Variants in DIAPH2 observed in about 807,000 individuals in gnomAD.
The protein encoded by DIAPH2 is diaphanous related formin 2.
DIAPH2 carries 35 observed loss-of-function variants against 92.7 expected under a neutral mutation model. The ratio of observed to expected loss-of-function variants is 0.38; its 90% confidence interval spans 0.29 to 0.50. The LOEUF (loss-of-function observed/expected upper bound fraction) is 0.50. Ranked by LOEUF, DIAPH2 falls within the 20% of genes least tolerant of loss-of-function variation. The pLI is 0.94. For synonymous variants in DIAPH2, 301 were observed against 280.4 expected (o/e 1.07, Z -0.73); for missense variants, 701 against 819.5 (o/e 0.86, Z 1.77).
At chrX:97,051,675 C>G (rs1002360638) in intron 17 of DIAPH2, among the ~76,000 whole-genome samples, 4 of 110,684 alleles carry the variant, frequency 3.6e-5, no homozygotes, top group East Asian at 2.8e-4. Flanking sequence ...GATAGTTTAC[C>G]TATAAGAAGG....
At chrX:97,416,104 G>T (rs896638349) in intron 25 of DIAPH2, among the ~76,000 whole-genome samples, 1 of 112,245 alleles carries the variant, frequency 8.9e-6, no homozygotes, top group African/African-American at 3.2e-5. Context: ...AGTCAGACTG[G>T]CTATTTCCTG....
intron 22 of DIAPH2, among the ~76,000 whole-genome samples, chrX:97,172,409 T>C (rs1409801489): frequency 8.9e-6 from 1 of 111,778 alleles, no homozygotes; most frequent in East Asian, 2.8e-4. Flanking sequence ...TGATGTTGCT[T>C]GGGATCAGAA....
chrX:96,910,102 G>A (rs1206459055), intron 5 of DIAPH2, among the ~76,000 whole-genome samples: 4 of 111,077 alleles, frequency 3.6e-5, no homozygotes, highest in Non-Finnish European at 7.5e-5. Context: ...GCAGGGTACA[G>A]TGTGCTGTAG....
intron 25 of DIAPH2, among the ~76,000 whole-genome samples, chrX:97,402,807 A>G (rs1176483434): frequency 8.9e-6 from 1 of 112,315 alleles, no homozygotes; most frequent in Non-Finnish European, 1.9e-5. Flanking sequence ...TAAATACAAA[A>G]GTAAAATCGC....
intron 22 of DIAPH2, among the ~76,000 whole-genome samples, chrX:97,150,887 A>G (rs958692643): frequency 8.9e-6 from 1 of 112,089 alleles, no homozygotes. Context: ...GTGAATGCTT[A>G]TTAAACATTA....
chrX:96,968,211 T>TTTTA (rs980255976), intron 17 of DIAPH2, among the ~76,000 whole-genome samples: 11 of 110,057 alleles, frequency 1.0e-4, no homozygotes, highest in Non-Finnish European at 1.3e-4. Flanking sequence ...TTTATTTTTA[T>TTTTA]TTTATTTATT....
At chrX:96,874,313 A>C (rs933176997) in intron 4 of DIAPH2, among the ~76,000 whole-genome samples, 1 of 112,000 alleles carries the variant, frequency 8.9e-6, no homozygotes, top group African/African-American at 3.2e-5. Context: ...AGAGAAACAT[A>C]ATGTGTATTT....
chrX:97,438,826 A>G (rs746761484), intron 26 of DIAPH2, among the ~76,000 whole-genome samples: 7 of 112,279 alleles, frequency 6.2e-5, no homozygotes, highest in South Asian at 7.5e-4. Flanking sequence ...AGACACACCA[A>G]AGATCTTGAA....
intron 1 of DIAPH2, among the ~76,000 whole-genome samples, chrX:96,728,978 G>A (rs1453704261): frequency 8.9e-6 from 1 of 112,236 alleles, no homozygotes; most frequent in Non-Finnish European, 1.9e-5. Context: ...TGTGCCCAAG[G>A]TGGTCAGTGC....
At chrX:97,000,552 G>A (rs549807463) in intron 17 of DIAPH2, among the ~76,000 whole-genome samples, 13 of 108,695 alleles carry the variant, frequency 1.2e-4, no homozygotes, top group African/African-American at 3.0e-4. Context: ...TGGGTTGATC[G>A]CTTGAGCCCT....
intron 4 of DIAPH2, among the ~76,000 whole-genome samples, chrX:96,825,131 T>C (rs1345571061): frequency 9.4e-6 from 1 of 106,202 alleles, no homozygotes; most frequent in Non-Finnish European, 1.9e-5. Context: ...TTTTTTTTTT[T>C]TTTTAGTACA....
intron 5 of DIAPH2, among the ~76,000 whole-genome samples, chrX:96,891,486 T>G (rs956099353): frequency 8.9e-6 from 1 of 111,991 alleles, no homozygotes; most frequent in Non-Finnish European, 1.9e-5. Flanking sequence ...TTACTAAAGT[T>G]TATGAAAGGA....
intron 5 of DIAPH2, among the ~76,000 whole-genome samples, chrX:96,887,572 A>G (rs1407113172): frequency 6.3e-5 from 7 of 111,955 alleles, no homozygotes; most frequent in South Asian, 3.7e-4. Context: ...ATGAATAAAT[A>G]TATTTGAAAG....
At chrX:96,734,091 T>G (rs1256621207) in intron 1 of DIAPH2, among the ~76,000 whole-genome samples, 4 of 112,480 alleles carry the variant, frequency 3.6e-5, no homozygotes, top group Non-Finnish European at 5.6e-5. Context: ...GCTTTTTTTC[T>G]TGTGTCTGTC....
chrX:97,022,647 A>T (rs913956574), intron 17 of DIAPH2, among the ~76,000 whole-genome samples: 1 of 112,385 alleles, frequency 8.9e-6, no homozygotes, highest in Admixed American at 9.4e-5. Context: ...AAAAAATTGT[A>T]TACATCAAAA....
chrX:97,116,270 A>C (rs2067016037), intron 21 of DIAPH2, among the ~76,000 whole-genome samples: 1 of 112,212 alleles, frequency 8.9e-6, no homozygotes, highest in African/African-American at 3.2e-5. Flanking sequence ...TGTACAATAG[A>C]ATTGTGAACA....
In DIAPH2 at chrX:96,939,349, A is replaced by AT; in HGVS notation, c.1298dup (p.Leu433PhefsTer6). On this transcript the variant is annotated frameshift_variant, in exon 12 of 27. Coordinates refer to ENST00000324765, the MANE Select transcript of DIAPH2 (RefSeq NM_006729.5). LOFTEE classifies it high-confidence loss of function. ...AATTACTTCTTATCTATTCTACAAC[A>AT]TTTTTTGCTTATCAGAAATGATTAT... 8.9e-7 allele frequency: 1 copy of AT among 1,123,206 alleles called. No individual in the cohort carries two copies. Among genetic ancestry groups the AT allele is most frequent in the Non-Finnish European group, 1.2e-6 (1 of 822,460 alleles). The allele number at this position is 1,123,206 out of a possible 1,213,427, so 92.6% of individuals were successfully genotyped here.
chrX:97,110,724 C>T (rs1408366376), intron 20 of DIAPH2, among the ~76,000 whole-genome samples: 1 of 112,030 alleles, frequency 8.9e-6, no homozygotes, highest in African/African-American at 3.2e-5. Context: ...TGGCTCATGC[C>T]TGTAATCCCA....
chrX:96,976,920 G>C (rs1213373193), intron 17 of DIAPH2, among the ~76,000 whole-genome samples: 3 of 110,880 alleles, frequency 2.7e-5, no homozygotes, highest in Non-Finnish European at 5.7e-5. Context: ...CCAACCCTAG[G>C]TACTTGTATT....
Sources: gnomAD v4.1 joint callset for allele counts (sites outside exome capture counted in the v4.1 genomes callset) on GRCh38, gnomAD v4.1.1 for gene constraint, MANE v1.5 for transcripts, NCBI Gene and HGNC (gene_info 2026-07-23, HGNC 2026-07-21) for gene names.